Variants in CHML observed in about 807,000 individuals in gnomAD.
CHML encodes the protein CHM like Rab escort protein, also known as rab proteins geranylgeranyltransferase component A 2.
A neutral mutation model predicts 30.4 loss-of-function variants in CHML; 20 were observed. The ratio of observed to expected loss-of-function variants is 0.66; its 90% CI spans 0.46 to 0.95. The LOEUF (loss-of-function observed/expected upper bound fraction) is 0.95, where lower values mean the gene tolerates loss of function less well. Among genes scored for constraint, CHML ranks in the 40% least tolerant of loss-of-function variants. The pLI is 0.00. For missense variants in CHML, 795 were observed against 768.5 expected, an observed-to-expected ratio of 1.03 and a Z score of -0.41; for synonymous variants, 281 against 275.0, an observed-to-expected ratio of 1.02 and a Z score of -0.22.
rs1664653896 is a variant in CHML, at chr1:241,631,994, T to C, written c.*1802A>G. 6.6e-6 allele frequency: 1 copy of C among 152,104 alleles called. No individual in the cohort carries two copies. The highest frequency in any genetic ancestry group is 1.5e-5 in the Non-Finnish European group (1 of 67,982). 9.4% of individuals were successfully genotyped at this position (152,104 alleles called of 1,614,324 possible). ...AGCAAATTACTAATAATTCTCTTAT[T>C]TCTTCTTTGAAGGTGATATGGTTTG... On this transcript the variant is annotated 3_prime_UTR_variant, in exon 2 of 2. Transcript: ENST00000366553.
chr1:241,629,621 C>A lies in CHML; in HGVS notation c.*4175G>T, dbSNP rs1664540520. 6.6e-6 allele frequency: 1 copy of A among 152,012 alleles called. No individual in the cohort carries two copies. Among genetic ancestry groups the A allele is most frequent in the Non-Finnish European group, 1.5e-5 (1 of 67,936 alleles). 9.4% of individuals were successfully genotyped at this position (152,012 alleles called of 1,614,324 possible). On this transcript the variant is annotated 3_prime_UTR_variant, in exon 2 of 2. Transcript: ENST00000366553. Reference sequence around the variant, plus strand: ...ATTTACTACACATTTAAAACTTTTTCTCTTAGTTGATCTACCTTGCCAATT... The same window carrying A: ...ATTTACTACACATTTAAAACTTTTTATCTTAGTTGATCTACCTTGCCAATT...
Position 241,634,646 on chromosome 1 carries a change from G to A in CHML, c.1121C>T (p.Pro374Leu), listed in dbSNP as rs1163242639. The A allele has an allele frequency of 6.2e-7, 1 of 1,613,810 alleles. No homozygotes were observed. Among genetic ancestry groups the A allele is most frequent in the Admixed American group, 1.7e-5 (1 of 59,966 alleles). The change falls in exon 2 of 2, where the codon CCC becomes CTC. Residue 374 changes from proline to leucine, a missense_variant. Transcript: ENST00000366553. ...TTGGCCATACAAGGGAAATAAAAAG[G>A]GGGTGTTGCCAAACCGTCCGAGACA... Reference protein sequence around the residue: ...LQCLGRFGNTPFLFPLYGQGE... With the variant: ...LQCLGRFGNTLFLFPLYGQGE...
At position 241,640,276 on chromosome 1, in the gene CHML, G is replaced by A; in HGVS notation, c.-702C>T. ...ACATGGCCCGGCGCCGGCGCGCCTG[G>A]CGGGCGGAGGCGCTCAGCTTGCGGC... On this transcript the variant is annotated 5_prime_UTR_variant, in exon 1 of 2. Transcript: ENST00000366553. 8.6e-7 allele frequency: 1 copy of A among 1,168,846 alleles called. No individual in the cohort carries two copies. The highest frequency in any genetic ancestry group is 4.7e-5 in the Admixed American group (1 of 21,364). 72.4% of individuals were successfully genotyped at this position (1,168,846 alleles called of 1,614,324 possible).
In CHML at chr1:241,632,587, G is replaced by A. The variant is rs193173140; in HGVS notation, c.*1209C>T. 3.9e-5 allele frequency: 6 copies of A among 152,190 alleles called. No homozygotes were observed. Among genetic ancestry groups the A allele is most frequent in the Admixed American group, 1.3e-4 (2 of 15,268 alleles). The allele number at this position is 152,190 out of a possible 1,614,324, so 9.4% of individuals were successfully genotyped here. A position where few individuals can be genotyped will look rare whatever the true frequency, so the allele number is the denominator to read the frequency against. On this transcript the variant is annotated 3_prime_UTR_variant, in exon 2 of 2. Coordinates refer to ENST00000366553, the MANE Select transcript of CHML (RefSeq NM_001381853.1). ...ATTAGAGTACTACCAGTTTTATGAC[G>A]TTGGGTGGCTCTGGGAGAAAAAAAG...
chr1:241,639,291 A>G (rs1665020614), intron 1 of CHML: 1 of 152,250 alleles, frequency 6.6e-6, no homozygotes, highest in Non-Finnish European at 1.5e-5. Context: ...GCACATGCCA[A>G]TTTGCATTCT....
rs1352508229 is a variant in CHML, at chr1:241,630,420, T to A, written c.*3376A>T. On this transcript the variant is annotated 3_prime_UTR_variant, in exon 2 of 2. Transcript: ENST00000366553. ...TATATTAATAACCAAACACACTTTT[T>A]AAATTGCAGTTTGTCACTGCTAAGA... 1 of 152,136 alleles carries A rather than the reference T, an allele frequency of 6.6e-6. No homozygotes were observed. The highest frequency in any genetic ancestry group is 1.5e-5 in the Non-Finnish European group (1 of 67,946). The allele number at this position is 152,136 out of a possible 1,614,324, so 9.4% of individuals were successfully genotyped here.
At position 241,634,700 on chromosome 1, in the gene CHML, C is replaced by T; in HGVS notation, c.1067G>A (p.Gly356Asp). 2.5e-6 allele frequency: 4 copies of T among 1,613,946 alleles called. No homozygotes were observed. Among genetic ancestry groups the T allele is most frequent in the Non-Finnish European group, 3.4e-6 (4 of 1,179,880 alleles). ...AAGGAAGTTTTTAGTTGCGTTAAGA[C>T]CATCTATTGTAGTGCAAGATGATTC... ...TSESSCTTID[G>D]LNATKNFLQC... Residue 356 changes from glycine to aspartate, a missense_variant, in exon 2 of 2, where the codon GGT (glycine) becomes GAT (aspartate). Coordinates refer to ENST00000366553, the MANE Select transcript of CHML (RefSeq NM_001381853.1).
Position 241,640,090 on chromosome 1 carries a change from G to A in CHML, c.-516C>T. On this transcript the variant is annotated 5_prime_UTR_variant, in exon 1 of 2. Coordinates refer to ENST00000366553, the MANE Select transcript of CHML (RefSeq NM_001381853.1). ...CGAGCACCAGCAGGTTGTTGCCGACGCCCAGCAGCCCAATGGAGCCCAGCA... is the reference window on the plus strand; with the variant it reads ...CGAGCACCAGCAGGTTGTTGCCGACACCCAGCAGCCCAATGGAGCCCAGCA... The A allele has an allele frequency of 6.2e-7, 1 of 1,609,678 alleles. No individual in the cohort carries two copies. Among genetic ancestry groups the A allele is most frequent in the Non-Finnish European group, 8.5e-7 (1 of 1,178,406 alleles).
At chr1:241,637,169 T>C (rs1664930113) in intron 1 of CHML, among the ~76,000 whole-genome samples, 1 of 152,330 alleles carries the variant, frequency 6.6e-6, no homozygotes, top group East Asian at 1.9e-4. Context: ...GCTCTGGTTT[T>C]CACTACTGTT....
At chr1:241,636,301 T>C (rs1463137023) in intron 1 of CHML, among the ~76,000 whole-genome samples, 3 of 152,198 alleles carry the variant, frequency 2.0e-5, no homozygotes, top group Non-Finnish European at 2.9e-5. Context: ...AGAATGAACA[T>C]AATGTTCCAC....
At chr1:241,637,776 C>T (rs955511881) in intron 1 of CHML, among the ~76,000 whole-genome samples, 8 of 152,062 alleles carry the variant, frequency 5.3e-5, no homozygotes, top group Non-Finnish European at 8.8e-5. Context: ...TGAGAAAGCC[C>T]GCACAATGCA....
At chr1:241,636,752 T>A (rs1049405293) in intron 1 of CHML, among the ~76,000 whole-genome samples, 5 of 152,170 alleles carry the variant, frequency 3.3e-5, no homozygotes, top group Non-Finnish European at 5.9e-5. Context: ...AGTGTGTAAG[T>A]GTAAGTAAAA....
intron 1 of CHML, 85 bp downstream of exon 1, chr1:241,639,797 C>T: frequency 8.6e-7 from 1 of 1,160,952 alleles, no homozygotes; most frequent in Admixed American, 5.6e-5. Flanking sequence ...GCGGGGCGGG[C>T]TGGGGGGCGG....
Position 241,630,328 on chromosome 1 carries a change from C to T in CHML, c.*3468G>A, listed in dbSNP as rs1664580849. 1 of 152,014 alleles carries T rather than the reference C, an allele frequency of 6.6e-6. No homozygotes were observed. The highest frequency in any genetic ancestry group is 1.5e-5 in the Non-Finnish European group (1 of 67,916). 9.4% of individuals were successfully genotyped at this position (152,014 alleles called of 1,614,324 possible). Reference sequence around the variant, plus strand: ...TTAAAAATATAGCTCTTTAAACTTGCTTCTATTTAGGCATCTTTCTTAATT... The same window carrying T: ...TTAAAAATATAGCTCTTTAAACTTGTTTCTATTTAGGCATCTTTCTTAATT... On this transcript the variant is annotated 3_prime_UTR_variant, in exon 2 of 2. Coordinates refer to ENST00000366553, the MANE Select transcript of CHML (RefSeq NM_001381853.1).
chr1:241,634,207 T>C lies in CHML; in HGVS notation c.1560A>G (p.Glu520=), dbSNP rs745654356. The C allele has an allele frequency of 1.2e-6, 2 of 1,613,914 alleles. No individual in the cohort carries two copies. Among genetic ancestry groups the C allele is most frequent in the African/African-American group, 2.7e-5 (2 of 74,938 alleles). Residue 520 remains glutamate (E), a synonymous_variant, in exon 2 of 2, where the codon GAA becomes GAG. Transcript: ENST00000366553. ...ATTTCTTCACCACTGATTCTAAGTC[T>C]TCTCTTGCTGTTTTAGAAGATGAAC... ...LTCSSSKTAR[E]DLESVVKKLF... is the part of the protein sequence containing the mutation.
Position 241,634,135 on chromosome 1 carries a change from TG to T in CHML, c.1631del (p.Thr544LysfsTer13). 2 of 1,613,120 alleles carry T rather than the reference TG, an allele frequency of 1.2e-6. No homozygotes were observed. The highest frequency in any genetic ancestry group is 1.7e-6 in the Non-Finnish European group (2 of 1,179,692). Reference protein sequence around the residue: ...TETEINEEELTKPRLLWALYF... With the variant: ...TETEINEEELXKPRLLWALYF... ...AAAGAGCCCACAAGAGTCTTGGCTT[TG>T]TAAGTTCTTCCTCGTTTATTTCTGT... On this transcript the variant is annotated frameshift_variant, in exon 2 of 2. Transcript: ENST00000366553. LOFTEE classifies it high-confidence loss of function.
In CHML at chr1:241,640,308, C is replaced by T. The variant is rs1202414269; in HGVS notation, c.-734G>A. 108 of 1,104,914 alleles carry T rather than the reference C, an allele frequency of 9.8e-5. No homozygotes were observed. Among genetic ancestry groups the T allele is most frequent in the Admixed American group, 1.0e-4 (2 of 19,644 alleles). The allele number at this position is 1,104,914 out of a possible 1,614,324, so 68.4% of individuals were successfully genotyped here. A position where few individuals can be genotyped will look rare whatever the true frequency, so the allele number is the denominator to read the frequency against. On this transcript the variant is annotated 5_prime_UTR_variant, in exon 1 of 2. Coordinates refer to ENST00000366553, the MANE Select transcript of CHML (RefSeq NM_001381853.1). ...GAGGCGCTCAGCTTGCGGCGGGGCT[C>T]GCGGCGCGCTCCGCACTGGGTGGGG...
intron 1 of CHML, among the ~76,000 whole-genome samples, chr1:241,637,642 C>G (rs1664949337): frequency 6.6e-6 from 1 of 152,122 alleles, no homozygotes; most frequent in Non-Finnish European, 1.5e-5. Context: ...CAGGCACGTT[C>G]TAACCTACAG....
In CHML at chr1:241,629,631, A is replaced by C. The variant is rs1664540896; in HGVS notation, c.*4165T>G. Reference sequence around the variant, plus strand: ...CATTTAAAACTTTTTCTCTTAGTTGATCTACCTTGCCAATTGCCATGAAGT... The same window carrying C: ...CATTTAAAACTTTTTCTCTTAGTTGCTCTACCTTGCCAATTGCCATGAAGT... On this transcript the variant is annotated 3_prime_UTR_variant, in exon 2 of 2. Coordinates refer to ENST00000366553, the MANE Select transcript of CHML (RefSeq NM_001381853.1). The C allele has an allele frequency of 6.6e-6, 1 of 152,014 alleles. No individual in the cohort carries two copies. Among genetic ancestry groups the C allele is most frequent in the Admixed American group, 6.5e-5 (1 of 15,272 alleles). 9.4% of individuals were successfully genotyped at this position (152,014 alleles called of 1,614,324 possible). A position where few individuals can be genotyped will look rare whatever the true frequency, so the allele number is the denominator to read the frequency against.
Sources: gnomAD v4.1 joint callset for allele counts (sites outside exome capture counted in the v4.1 genomes callset) on GRCh38, gnomAD v4.1.1 for gene constraint, MANE v1.5 for transcripts, NCBI Gene and HGNC (gene_info 2026-07-23, HGNC 2026-07-21) for gene names.